Variants in PSD3 observed in about 807,000 individuals in gnomAD.
PSD3 encodes pleckstrin and Sec7 domain containing 3.
PSD3 carries 49 observed loss-of-function variants against 105.5 expected under a neutral mutation model. That is an observed-to-expected ratio of 0.46 (90% CI 0.37 to 0.59). The LOEUF (loss-of-function observed/expected upper bound fraction) is 0.59, where lower values mean the gene tolerates loss of function less well. Ranked by LOEUF, PSD3 falls within the 20% of genes least tolerant of loss-of-function variation. The pLI is 0.00. For missense variants in PSD3, 1,561 were observed against 1,263.8 expected, an observed-to-expected ratio of 1.24 and a Z score of -3.57; for synonymous variants, 557 against 457.8, an observed-to-expected ratio of 1.22 and a Z score of -2.77.
chr8:18,587,857 C>T (rs564123340), intron 12 of PSD3, among the ~76,000 whole-genome samples: 33 of 152,218 alleles, frequency 2.2e-4, no homozygotes, highest in African/African-American at 7.7e-4. Flanking sequence ...GATATAAAAC[C>T]CAAACTGTAT....
chr8:18,536,743 T>C (rs1379842621), intron 15 of PSD3, among the ~76,000 whole-genome samples: 1 of 152,162 alleles, frequency 6.6e-6, no homozygotes, highest in Non-Finnish European at 1.5e-5. Context: ...TCTTTTTCCA[T>C]GGCTCTGGCA....
intron 1 of PSD3, among the ~76,000 whole-genome samples, chr8:19,047,373 C>G (rs1828357197): frequency 6.6e-6 from 1 of 152,148 alleles, no homozygotes; most frequent in Non-Finnish European, 1.5e-5. Flanking sequence ...GGAGAGGCCA[C>G]AAGATGCTCA....
chr8:18,625,837 A>G (rs1407936443), intron 11 of PSD3, among the ~76,000 whole-genome samples: 1 of 152,162 alleles, frequency 6.6e-6, no homozygotes, highest in Non-Finnish European at 1.5e-5. Context: ...TTAATGCATG[A>G]AATGCTTAGG....
chr8:18,723,340 T>C (rs1476005696), intron 9 of PSD3, among the ~76,000 whole-genome samples: 1 of 152,236 alleles, frequency 6.6e-6, no homozygotes, highest in East Asian at 1.9e-4. Flanking sequence ...ATGCAAACTC[T>C]GCAAATGCCT....
At chr8:18,834,627 G>T (rs1431230088) in intron 4 of PSD3, among the ~76,000 whole-genome samples, 1 of 152,164 alleles carries the variant, frequency 6.6e-6, no homozygotes, top group African/African-American at 2.4e-5. Context: ...CTTAAACTAT[G>T]ACTGGGTACG....
At chr8:18,917,263 G>T (rs1462778707) in intron 2 of PSD3, among the ~76,000 whole-genome samples, 1 of 152,188 alleles carries the variant, frequency 6.6e-6, no homozygotes, top group South Asian at 2.1e-4. Context: ...AGGCAGAGAT[G>T]GAGATGGTTT....
chr8:18,598,741 A>T lies in PSD3; in HGVS notation c.2481+1623T>A, dbSNP rs974828357. Among the ~76,000 whole-genome samples the T allele has an allele frequency of 3.9e-5, 6 of 152,298 alleles. No homozygotes were observed. In the East Asian group the frequency reaches 1.2e-3, roughly 29 times the overall value. On this transcript the variant is annotated intron_variant, in intron 12 of 15. Transcript: ENST00000327040. ...AATCAACCATCAGTTCCATTTCTAT[A>T]TGCTAACAATGAACAATCTGAAAAG... is the stretch of plus-strand genomic sequence containing the variant.
At chr8:19,022,778 C>G (rs1827404769) in intron 1 of PSD3, among the ~76,000 whole-genome samples, 1 of 152,054 alleles carries the variant, frequency 6.6e-6, no homozygotes, top group South Asian at 2.1e-4. Context: ...ACCATCTCCT[C>G]ATGTTCTTCT....
intron 1 of PSD3, among the ~76,000 whole-genome samples, chr8:18,983,999 T>C (rs566989573): frequency 3.9e-4 from 53 of 135,452 alleles, no homozygotes; most frequent in African/African-American, 1.4e-3. Flanking sequence ...AGTGAGACAC[T>C]ATCTCATTAT....
intron 4 of PSD3, among the ~76,000 whole-genome samples, chr8:18,822,720 T>C (rs1247989845): frequency 6.6e-6 from 1 of 152,166 alleles, no homozygotes; most frequent in Non-Finnish European, 1.5e-5. Context: ...TGCACTCATG[T>C]TTTATGACTT....
At chr8:19,061,676 G>A (rs1240997775) in intron 1 of PSD3, among the ~76,000 whole-genome samples, 3 of 151,990 alleles carry the variant, frequency 2.0e-5, no homozygotes, top group African/African-American at 7.2e-5. Context: ...GTGGTGGGGT[G>A]TGCCTGTAAT....
chr8:19,007,089 T>C (rs1826715656), intron 1 of PSD3, among the ~76,000 whole-genome samples: 1 of 152,018 alleles, frequency 6.6e-6, no homozygotes, highest in Admixed American at 6.5e-5. Flanking sequence ...ACCCCGTATC[T>C]ACTAAAAATA....
rs187347144 is a variant in PSD3, at chr8:19,008,604, T to C, written c.21+4959A>G. On this transcript the variant is annotated intron_variant, in intron 1 of 15. Coordinates refer to ENST00000327040, the MANE Select transcript of PSD3 (RefSeq NM_015310.4). ...TCAAAAAAGCATGTAAGTTTCCATATACAGAGAAAAGCAGTTCCACTGGCC... is the reference window on the plus strand; with the variant it reads ...TCAAAAAAGCATGTAAGTTTCCATACACAGAGAAAAGCAGTTCCACTGGCC... 2.3e-4 allele frequency among the ~76,000 whole-genome samples: 35 copies of C among 152,324 alleles called. No individual in the cohort carries two copies. The East Asian group carries it at 6.2e-3, about 27-fold the overall frequency.
At chr8:18,540,490 A>C (rs953698683) in intron 15 of PSD3, among the ~76,000 whole-genome samples, 6 of 152,220 alleles carry the variant, frequency 3.9e-5, no homozygotes, top group African/African-American at 1.4e-4. Context: ...GTGGTGAAGA[A>C]GGAAATTTGA....
At chr8:19,084,283 C>A (rs547199676) in exon 1 of PSD3, 6 of 456,178 alleles carry the variant, frequency 1.3e-5, no homozygotes, top group Non-Finnish European at 2.2e-5. Context: ...TAGAGCCATG[C>A]CCTTGTCGCC....
chr8:18,816,629 G>C (rs1432190468), intron 4 of PSD3, among the ~76,000 whole-genome samples: 1 of 152,200 alleles, frequency 6.6e-6, no homozygotes, highest in South Asian at 2.1e-4. Flanking sequence ...CTATGTGCCA[G>C]CACATTTCTA....
intron 1 of PSD3, among the ~76,000 whole-genome samples, chr8:18,970,134 G>T (rs2129471925): frequency 6.6e-6 from 1 of 151,398 alleles, no homozygotes; most frequent in South Asian, 2.1e-4. Context: ...GACCATCCTG[G>T]CTAACACGGT....
At chr8:18,838,119 G>C (rs1398337821) in intron 4 of PSD3, among the ~76,000 whole-genome samples, 1 of 152,168 alleles carries the variant, frequency 6.6e-6, no homozygotes, top group Non-Finnish European at 1.5e-5. Flanking sequence ...AATAATTTGT[G>C]AAATCATATA....
At chr8:18,912,152 C>T (rs913737821) in intron 2 of PSD3, among the ~76,000 whole-genome samples, 2 of 152,102 alleles carry the variant, frequency 1.3e-5, no homozygotes, top group Non-Finnish European at 2.9e-5. Flanking sequence ...GAAGTTTTTG[C>T]CATGAAAATC....
Sources: allele counts gnomAD v4.1 joint callset (sites outside exome capture counted in the v4.1 genomes callset), GRCh38; gene constraint gnomAD v4.1.1; transcripts MANE v1.5; gene names NCBI Gene and HGNC (gene_info 2026-07-23, HGNC 2026-07-21).